PTPRJ: variants seen among roughly 807,000 people sequenced by gnomAD.
PTPRJ encodes protein tyrosine phosphatase receptor type J.
Under a neutral mutation model 141.3 loss-of-function variants are expected in PTPRJ, and 129 were observed. The observed-to-expected ratio is 0.91, with a 90% confidence interval of 0.79 to 1.06. PTPRJ has a LOEUF of 1.06. PTPRJ is among the 50% of genes least tolerant of loss of function. PTPRJ has a pLI of 0.00. For missense variants in PTPRJ, 1,601 were observed against 1,679.7 expected (o/e 0.95, Z 0.82); for synonymous variants, 610 against 640.5 (o/e 0.95, Z 0.72).
rs1174746546 is a variant in PTPRJ at position 48,019,202 on chromosome 11, G to A, written c.96+38194G>A. On this transcript the variant is annotated intron_variant, in intron 1 of 24. Coordinates refer to ENST00000418331, the MANE Select transcript of PTPRJ (RefSeq NM_002843.4). ...GGCCCTCTCTCTGTTTAGGAACGTG[G>A]ATGTGGCAGGGGCTGGGCGGGCACT... Among the ~76,000 whole-genome samples the A allele has an allele frequency of 2.0e-5, 3 of 152,112 alleles. No individual in the cohort carries two copies. The East Asian group carries it at 5.8e-4, about 29-fold the overall frequency.
At position 48,125,143 on chromosome 11, in the gene PTPRJ, G is replaced by A. The variant is rs1271985663; in HGVS notation, c.1050G>A (p.Ala350=). 6.8e-6 allele frequency: 11 copies of A among 1,613,960 alleles called. No individual in the cohort carries two copies. Among genetic ancestry groups the A allele is most frequent in the African/African-American group, 5.3e-5 (4 of 74,900 alleles). ...ATGCCACCGTTTATTCCCAAGCAGCGAATGGCACAGAAGGACAGCCCCAGG... is the reference window on the plus strand; with the variant it reads ...ATGCCACCGTTTATTCCCAAGCAGCAAATGGCACAGAAGGACAGCCCCAGG... ...RYNATVYSQA[A]NGTEGQPQAI... is the part of the protein sequence containing the mutation. The change falls in exon 6 of 25, where the codon GCG becomes GCA. Residue 350 remains alanine, a synonymous_variant. Coordinates refer to ENST00000418331, the MANE Select transcript of PTPRJ (RefSeq NM_002843.4).
intron 15 of PTPRJ, 86 bp from the exon 16 acceptor site, chr11:48,149,361 T>C (rs1242322596): frequency 1.6e-5 from 14 of 896,734 alleles, no homozygotes; most frequent in Non-Finnish European, 2.1e-5. Flanking sequence ...CTTTATTTCA[T>C]AGATGACATC....
intron 1 of PTPRJ, among the ~76,000 whole-genome samples, chr11:48,056,713 G>A (rs1854760528): frequency 1.3e-5 from 2 of 152,174 alleles, no homozygotes; most frequent in South Asian, 4.1e-4. Context: ...AGCACTTTGG[G>A]AGGCCGAGGT....
chr11:47,996,334 C>CAA (rs1292092161), intron 1 of PTPRJ, among the ~76,000 whole-genome samples: 3,643 of 55,456 alleles, frequency 0.066, 85 homozygotes, highest in East Asian at 0.11. Flanking sequence ...GACTCTGTCT[C>CAA]AAAAAAAAAA....
intron 1 of PTPRJ, among the ~76,000 whole-genome samples, chr11:48,047,027 T>C (rs1191543382): frequency 1.3e-4 from 19 of 150,430 alleles, no homozygotes; most frequent in Admixed American, 1.3e-3. Context: ...GTGATTCTCT[T>C]GCCTCAGCCT....
chr11:48,151,689 C>T (rs1039978066), intron 18 of PTPRJ, among the ~76,000 whole-genome samples: 1 of 150,168 alleles, frequency 6.7e-6, no homozygotes, highest in African/African-American at 2.5e-5. Flanking sequence ...TGAGTAAGAA[C>T]ATGCGGTGTT....
chr11:48,059,110 CTTTTTTTTT>C (rs917350262), intron 1 of PTPRJ, among the ~76,000 whole-genome samples: 1 of 102,160 alleles, frequency 9.8e-6, no homozygotes, highest in African/African-American at 4.2e-5. Context: ...TGTGCTGTGC[CTTTTTTTTT>C]TTTTTTTTTT....
chr11:48,159,794 G>T lies in PTPRJ; in HGVS notation c.3439-136G>T, dbSNP rs1026526366. 5 of 1,105,822 alleles carry T rather than the reference G, an allele frequency of 4.5e-6. No individual in the cohort carries two copies. In the African/African-American group the frequency reaches 4.8e-5, roughly 11 times the overall value. The allele number at this position is 1,105,822 out of a possible 1,614,324, so 68.5% of individuals were successfully genotyped here. On this transcript the variant is annotated intron_variant, in intron 21 of 24. Transcript: ENST00000418331. ...TAAAATAAAATAAAAAAATTCGAAG[G>T]GTCAAACAAAACCCAACTAGAAGGT...
intron 1 of PTPRJ, among the ~76,000 whole-genome samples, chr11:48,102,623 C>T (rs1373882830): frequency 6.6e-6 from 1 of 151,900 alleles, no homozygotes; most frequent in Non-Finnish European, 1.5e-5. Context: ...TGTTACAGGC[C>T]AGGCTGGTCT....
intron 1 of PTPRJ, among the ~76,000 whole-genome samples, chr11:47,995,389 G>A (rs770540369): frequency 6.6e-6 from 1 of 152,182 alleles, no homozygotes; most frequent in East Asian, 1.9e-4. Context: ...GGAGCTGAAT[G>A]GGAGGGTCTA....
chr11:48,105,498 G>C (rs1331969401), intron 1 of PTPRJ, among the ~76,000 whole-genome samples: 1 of 152,158 alleles, frequency 6.6e-6, no homozygotes, highest in East Asian at 1.9e-4. Flanking sequence ...AGGCTGTTAG[G>C]CTGGGAATTA....
intron 14 of PTPRJ, 125 bp downstream of exon 14, chr11:48,145,249 TC>T: frequency 7.4e-7 from 1 of 1,347,248 alleles, no homozygotes; most frequent in South Asian, 1.3e-5. Flanking sequence ...AGCTCTCCCC[TC>T]CCAGAGGTTG....
chr11:48,130,852 A>G, intron 8 of PTPRJ, 136 bp downstream of exon 8: 4 of 945,416 alleles, frequency 4.2e-6, no homozygotes, highest in South Asian at 2.2e-5. Flanking sequence ...CATAACACTA[A>G]TGCTTATTTA....
chr11:48,049,985 T>A (rs1425932812), intron 1 of PTPRJ, among the ~76,000 whole-genome samples: 1 of 152,180 alleles, frequency 6.6e-6, no homozygotes, highest in Non-Finnish European at 1.5e-5. Flanking sequence ...CACTTTTTAT[T>A]AAAAAGAACC....
At chr11:48,103,728 C>A (rs7117054) in intron 1 of PTPRJ, among the ~76,000 whole-genome samples, 150,329 of 152,336 alleles carry the variant, frequency 0.99, 74,205 homozygotes, top group Middle Eastern at 1. Flanking sequence ...GGAGTTCCTC[C>A]TAAGAGTCTT....
At chr11:48,004,638 G>C (rs1202772266) in intron 1 of PTPRJ, among the ~76,000 whole-genome samples, 1 of 152,190 alleles carries the variant, frequency 6.6e-6, no homozygotes, top group African/African-American at 2.4e-5. Flanking sequence ...TGCTGTGGCA[G>C]TGAATGTTAG....
At chr11:48,130,356 G>A in intron 7 of PTPRJ, 103 bp from the exon 8 acceptor site, 1 of 1,171,184 alleles carries the variant, frequency 8.5e-7, no homozygotes, top group Non-Finnish European at 1.2e-6. Context: ...AGAGGGATCA[G>A]GTGTCCTAAG....
intron 1 of PTPRJ, among the ~76,000 whole-genome samples, chr11:48,007,165 A>G (rs900737226): frequency 6.6e-6 from 1 of 151,962 alleles, no homozygotes; most frequent in African/African-American, 2.4e-5. Context: ...CAGTGGCGCA[A>G]TCTCTGCTCA....
At chr11:48,123,947 G>C in intron 5 of PTPRJ, 77 bp downstream of exon 5, 1 of 1,455,494 alleles carries the variant, frequency 6.9e-7, no homozygotes, top group Non-Finnish European at 9.3e-7. Context: ...AAAATAAATT[G>C]CTCTTCCATG....
Sources: gnomAD v4.1 joint callset for allele counts (sites outside exome capture counted in the v4.1 genomes callset) on GRCh38, gnomAD v4.1.1 for gene constraint, MANE v1.5 for transcripts, NCBI Gene and HGNC (gene_info 2026-07-23, HGNC 2026-07-21) for gene names.